The following MAP3K13 variants were observed in gnomAD, a reference collection of about 807,000 sequenced individuals.
MAP3K13 encodes the protein leucine zipper-bearing kinase.
In MAP3K13, 52 loss-of-function variants were observed where a neutral mutation model predicts 104.0. The ratio of observed to expected loss-of-function variants is 0.50; its 90% CI spans 0.40 to 0.63. The LOEUF (loss-of-function observed/expected upper bound fraction) is 0.63. Among genes scored for constraint, MAP3K13 ranks in the 20% least tolerant of loss-of-function variants. The pLI, the probability that MAP3K13 is intolerant of heterozygous loss-of-function variation, is 0.00. For synonymous variants in MAP3K13, 394 were observed against 442.2 expected, an observed-to-expected ratio of 0.89 and a Z score of 1.37; for missense variants, 914 against 1,218.5, an observed-to-expected ratio of 0.75 and a Z score of 3.72.
intron 2 of MAP3K13, among the ~76,000 whole-genome samples, chr3:185,336,010 G>C (rs1262116023): frequency 6.6e-6 from 1 of 152,040 alleles, no homozygotes; most frequent in African/African-American, 2.4e-5. Context: ...TCTGTAGCAT[G>C]CCTGGTCTCT....
At chr3:185,387,367 C>G (rs1711757236) in intron 1 of MAP3K13, among the ~76,000 whole-genome samples, 1 of 152,156 alleles carries the variant, frequency 6.6e-6, no homozygotes, top group African/African-American at 2.4e-5. Context: ...TGCTTCCTCT[C>G]TCTCTATGTG....
chr3:185,386,731 T>C (rs759225022), intron 1 of MAP3K13, among the ~76,000 whole-genome samples: 2 of 152,146 alleles, frequency 1.3e-5, no homozygotes, highest in African/African-American at 2.4e-5. Flanking sequence ...TAAAAAGGAA[T>C]AAGATCATGT....
intron 1 of MAP3K13, among the ~76,000 whole-genome samples, chr3:185,284,422 G>A (rs1232212808): frequency 6.6e-6 from 1 of 152,110 alleles, no homozygotes; most frequent in African/African-American, 2.4e-5. Flanking sequence ...TCTTAAATGT[G>A]ATAAAGTGTG....
chr3:185,422,339 A>G (rs1407420694), intron 1 of MAP3K13, among the ~76,000 whole-genome samples: 1 of 152,254 alleles, frequency 6.6e-6, no homozygotes, highest in African/African-American at 2.4e-5. Context: ...AAGCAAGTCG[A>G]CAATCTCTCT....
intron 1 of MAP3K13, among the ~76,000 whole-genome samples, chr3:185,389,901 A>G (rs1260962960): frequency 6.6e-6 from 1 of 152,106 alleles, no homozygotes; most frequent in Non-Finnish European, 1.5e-5. Context: ...AACCTTCACA[A>G]TTTTTTGTGA....
intron 7 of MAP3K13, among the ~76,000 whole-genome samples, chr3:185,455,597 TATATATATCATATATATGAG>T (rs1716571120): frequency 2.1e-4 from 1 of 4,652 alleles, no homozygotes; most frequent in African/African-American, 6.6e-4. Flanking sequence ...ATATATGAGA[TATATATATCATATATATGAG>T]ATATATGATA....
At chr3:185,466,098 T>C (rs1717402718) in intron 9 of MAP3K13, among the ~76,000 whole-genome samples, 1 of 152,214 alleles carries the variant, frequency 6.6e-6, no homozygotes, top group Non-Finnish European at 1.5e-5. Context: ...ATTTGCTGCA[T>C]AGGGAAGGGG....
intron 2 of MAP3K13, among the ~76,000 whole-genome samples, chr3:185,351,071 G>C (rs1479601680): frequency 6.6e-6 from 1 of 152,170 alleles, no homozygotes; most frequent in Non-Finnish European, 1.5e-5. Flanking sequence ...AACATGGATG[G>C]AGCTGGAGGC....
At chr3:185,452,410 T>C (rs569254815) in intron 7 of MAP3K13, among the ~76,000 whole-genome samples, 144 of 152,044 alleles carry the variant, frequency 9.5e-4, no homozygotes, top group African/African-American at 3.2e-3. Flanking sequence ...TTTGTTTTTG[T>C]TTTTTTGGTA....
chr3:185,408,904 G>A lies in MAP3K13; in HGVS notation c.-85-19593G>A, dbSNP rs576044418. 2.0e-5 allele frequency among the ~76,000 whole-genome samples: 3 copies of A among 152,314 alleles called. No homozygotes were observed. The East Asian group carries it at 5.8e-4, about 29-fold the overall frequency. On this transcript the variant is annotated intron_variant, in intron 1 of 13. Transcript: ENST00000265026. Reference sequence around the variant, plus strand: ...AGGTTAGTCATGAAATTTGCTCTGTGTGCTGTTTTTGGCCAACTCACTACC... The same window carrying A: ...AGGTTAGTCATGAAATTTGCTCTGTATGCTGTTTTTGGCCAACTCACTACC...
chr3:185,335,525 C>T (rs565928093), intron 2 of MAP3K13, among the ~76,000 whole-genome samples: 2 of 152,240 alleles, frequency 1.3e-5, no homozygotes, highest in Admixed American at 1.3e-4. Flanking sequence ...AGGTGCAAAG[C>T]ATTTTTCATT....
chr3:185,421,379 G>T (rs1714118993), intron 1 of MAP3K13, among the ~76,000 whole-genome samples: 1 of 151,816 alleles, frequency 6.6e-6, no homozygotes, highest in African/African-American at 2.4e-5. Context: ...TTGTAGTTTA[G>T]TAGAGATGGG....
At chr3:185,435,303 G>A (rs1021681548) in intron 2 of MAP3K13, among the ~76,000 whole-genome samples, 5 of 151,808 alleles carry the variant, frequency 3.3e-5, no homozygotes, top group South Asian at 2.1e-4. Context: ...GAACCACCAC[G>A]CCTGGCCAAT....
intron 2 of MAP3K13, among the ~76,000 whole-genome samples, chr3:185,353,426 G>A (rs1055552638): frequency 3.3e-5 from 5 of 152,218 alleles, no homozygotes; most frequent in Admixed American, 2.0e-4. Flanking sequence ...TTTGAACATG[G>A]TTCGAACAGT....
intron 7 of MAP3K13, 29 bp from the exon 8 acceptor site, chr3:185,463,521 T>G: frequency 1.5e-6 from 2 of 1,348,110 alleles, no homozygotes; most frequent in Non-Finnish European, 2.1e-6. Context: ...CTCCTGGAAT[T>G]TATCAAAATC....
Position 185,466,819 on chromosome 3 carries a change from T to G in MAP3K13, c.1506-7T>G. ...ACTGAGGTGTGGCTTTTGCCTTTAT[T>G]CTGCAGGCGTGAGCAAGCAGTGGAA... On this transcript the variant is annotated splice_polypyrimidine_tract_variant and splice_region_variant and intron_variant, in intron 9 of 13. Transcript: ENST00000265026. 2 of 1,613,964 alleles carry G rather than the reference T, an allele frequency of 1.2e-6. No individual in the cohort carries two copies. The highest frequency in any genetic ancestry group is 1.7e-6 in the Non-Finnish European group (2 of 1,179,852).
chr3:185,349,409 C>T (rs1452196818), intron 2 of MAP3K13, among the ~76,000 whole-genome samples: 6 of 151,992 alleles, frequency 3.9e-5, no homozygotes, highest in African/African-American at 1.5e-4. Context: ...AGGATAATGG[C>T]CTCCAGCTGC....
rs1385513950 is a variant in MAP3K13, at chr3:185,454,675, ATT to A, written c.1278+3282_1278+3283del. Among the ~76,000 whole-genome samples the A allele has an allele frequency of 2.2e-3, 206 of 92,180 alleles. 50 individuals are homozygous for A. Among genetic ancestry groups the A allele is most frequent in the South Asian group, 3.1e-3 (9 of 2,924 alleles). 60.5% of individuals were successfully genotyped at this position (92,180 alleles called of 152,430 possible). ...GATATATATATGATATATATGAGAT[ATT>A]TATATGATATATATATGAGATATAT... On this transcript the variant is annotated intron_variant, in intron 7 of 13. Transcript: ENST00000265026.
At position 185,465,758 on chromosome 3, in the gene MAP3K13, A is replaced by G; in HGVS notation, c.1400A>G (p.Asp467Gly). Residue 467 changes from aspartate to glycine, a missense_variant, in exon 9 of 14, where the codon GAT becomes GGT. Around this residue, in one of 3 missense-constraint regions of MAP3K13, gnomAD observed 583 missense variants for 737.4 expected, o/e 0.79. Transcript: ENST00000265026. ...RRREELRHAL[D>G]IREHYERKLE... is the part of the protein sequence containing the mutation. ...GTTTTCTCTGACAGGCATGCGCTGGATATTCGTGAACACTATGAGCGGAAG... is the reference window on the plus strand; with the variant it reads ...GTTTTCTCTGACAGGCATGCGCTGGGTATTCGTGAACACTATGAGCGGAAG... The G allele has an allele frequency of 6.2e-7, 1 of 1,613,540 alleles. No individual in the cohort carries two copies. Among genetic ancestry groups the G allele is most frequent in the Admixed American group, 1.7e-5 (1 of 60,014 alleles).
Sources: allele counts gnomAD v4.1 joint callset (sites outside exome capture counted in the v4.1 genomes callset), GRCh38; gene constraint gnomAD v4.1.1; regional missense constraint gnomAD v4.1.1; transcripts MANE v1.5; gene names NCBI Gene and HGNC (gene_info 2026-07-23, HGNC 2026-07-21).